Variants in SLC25A42 observed in about 807,000 individuals in gnomAD.
The protein encoded by SLC25A42 is mitochondrial coenzyme A transporter SLC25A42.
A neutral mutation model predicts 34.7 loss-of-function variants in SLC25A42; 19 were observed. That is an observed-to-expected ratio of 0.55 (90% CI 0.38 to 0.80). The LOEUF (loss-of-function observed/expected upper bound fraction) is 0.80, where lower values mean the gene tolerates loss of function less well. Ranked by LOEUF, SLC25A42 falls within the 30% of genes least tolerant of loss-of-function variation. The pLI is 0.00. For missense variants in SLC25A42, 364 were observed against 441.3 expected, an observed-to-expected ratio of 0.82 and a Z score of 1.57; for synonymous variants, 205 against 191.2, an observed-to-expected ratio of 1.07 and a Z score of -0.59.
At chr19:19,069,238 G>A (rs1294905572) in intron 1 of SLC25A42, among the ~76,000 whole-genome samples, 1 of 152,146 alleles carries the variant, frequency 6.6e-6, no homozygotes. Flanking sequence ...TTGGATTCCA[G>A]GGGCTCAACA....
rs528406002 is a variant in SLC25A42, at chr19:19,085,925, C to T, written c.-34-10166C>T. On this transcript the variant is annotated intron_variant, in intron 1 of 7. Transcript: ENST00000318596. Reference sequence around the variant, plus strand: ...ATGGGTTCCCTGAAAACCAGGGCTGCCAGCGCCCTTCCCTGCCCCTCAACA... The same window carrying T: ...ATGGGTTCCCTGAAAACCAGGGCTGTCAGCGCCCTTCCCTGCCCCTCAACA... 6.6e-4 allele frequency among the ~76,000 whole-genome samples: 100 copies of T among 152,322 alleles called. 1 individual carries two copies. Among genetic ancestry groups the T allele is most frequent in the Non-Finnish European group, 1.3e-3 (86 of 68,024 alleles).
intron 3 of SLC25A42, 30 bp downstream of exon 3, chr19:19,101,916 G>A (rs201969376): frequency 7.7e-6 from 12 of 1,559,780 alleles, no homozygotes; most frequent in Non-Finnish European, 1.1e-5. Context: ...AGGTGCTAGA[G>A]AAGCTGCCAG....
chr19:19,103,635 C>T (rs1030344810), intron 3 of SLC25A42, among the ~76,000 whole-genome samples: 2 of 152,194 alleles, frequency 1.3e-5, no homozygotes, highest in Admixed American at 6.5e-5. Context: ...GTGGCCTTTG[C>T]CCCCTTCAAA....
intron 2 of SLC25A42, among the ~76,000 whole-genome samples, chr19:19,097,781 G>A (rs972341680): frequency 1.6e-4 from 25 of 152,072 alleles, no homozygotes; most frequent in African/African-American, 5.1e-4. Flanking sequence ...TGGCCAACAT[G>A]GTGAAACCCC....
At position 19,111,533 on chromosome 19, in the gene SLC25A42, C is replaced by T. The variant is rs1253602937; in HGVS notation, c.*657C>T. On this transcript the variant is annotated 3_prime_UTR_variant, in exon 8 of 8. Coordinates refer to ENST00000318596, the MANE Select transcript of SLC25A42 (RefSeq NM_178526.5). ...CCTAGACCCTGCAAGCAGCTGGGTC[C>T]CCAAGAGTGCATCTCCCCCTAGAGT... 1 of 153,250 alleles carries T rather than the reference C, an allele frequency of 6.5e-6. No homozygotes were observed. The highest frequency in any genetic ancestry group is 1.5e-5 in the Non-Finnish European group (1 of 68,830). 9.5% of individuals were successfully genotyped at this position (153,250 alleles called of 1,614,324 possible). A position where few individuals can be genotyped will look rare whatever the true frequency, so the allele number is the denominator to read the frequency against.
In SLC25A42 at chr19:19,106,291, C is replaced by T. The variant is rs2059827345; in HGVS notation, c.403C>T (p.Leu135Phe). The change falls in exon 6 of 8, where the codon CTC (leucine) becomes TTC (phenylalanine). Residue 135 changes from leucine to phenylalanine, a missense_variant. Leu to Phe is a conservative substitution (Grantham distance 22). Transcript: ENST00000318596. ...RGEALPPWPRLFAGALAGTTA... is the reference protein window; with the variant it reads ...RGEALPPWPRFFAGALAGTTA... ...CAGAGCCCTGCCCCCTTGGCCTCGC[C>T]TCTTCGCCGGCGCACTGGCTGGAAC... is the stretch of plus-strand genomic sequence containing the variant. 14 of 1,612,738 alleles carry T rather than the reference C, an allele frequency of 8.7e-6. No homozygotes were observed. The highest frequency in any genetic ancestry group is 1.3e-5 in the African/African-American group (1 of 74,942).
intron 1 of SLC25A42, among the ~76,000 whole-genome samples, chr19:19,072,815 A>G (rs1020202816): frequency 6.6e-6 from 1 of 151,592 alleles, no homozygotes; most frequent in Non-Finnish European, 1.5e-5. Flanking sequence ...AGTAGCTGAG[A>G]CTATAAGTGT....
At chr19:19,106,169 G>T in intron 5 of SLC25A42, 100 bp from the exon 6 acceptor site, 1 of 1,025,344 alleles carries the variant, frequency 9.8e-7, no homozygotes, top group Non-Finnish European at 1.5e-6. Context: ...CCCCACCCCT[G>T]TCCCCGCCCC....
intron 5 of SLC25A42, 185 bp from the exon 6 acceptor site, chr19:19,106,084 C>T (rs900453687): frequency 3.4e-6 from 2 of 590,790 alleles, no homozygotes; most frequent in Non-Finnish European, 6.0e-6. Flanking sequence ...CCATGTAAAC[C>T]TCAAAATGAG....
chr19:19,074,700 A>T (rs2059647041), intron 1 of SLC25A42, among the ~76,000 whole-genome samples: 1 of 151,614 alleles, frequency 6.6e-6, no homozygotes. Context: ...TGTGTGTGAG[A>T]GAGTGTGTGT....
At chr19:19,064,436 C>G (rs10402411) in intron 1 of SLC25A42, among the ~76,000 whole-genome samples, 2,348 of 139,700 alleles carry the variant, frequency 0.017, 88 homozygotes, top group African/African-American at 0.06. Flanking sequence ...ACACCGCGCC[C>G]CCACTCACGA....
intron 1 of SLC25A42, among the ~76,000 whole-genome samples, chr19:19,070,540 C>T (rs890996824): frequency 2.6e-5 from 4 of 152,006 alleles, no homozygotes; most frequent in Admixed American, 2.6e-4. Flanking sequence ...AGTGATCTGC[C>T]CAACTCGGCC....
intron 2 of SLC25A42, 54 bp from the exon 3 acceptor site, chr19:19,101,727 C>T: frequency 6.6e-7 from 1 of 1,516,874 alleles, no homozygotes. Flanking sequence ...GGGCAAGGTC[C>T]TCTGCGGAGC....
chr19:19,070,694 AC>A (rs2059625728), intron 1 of SLC25A42, among the ~76,000 whole-genome samples: 1 of 152,126 alleles, frequency 6.6e-6, no homozygotes, highest in Non-Finnish European at 1.5e-5. Flanking sequence ...ATCTGCAAAG[AC>A]CCTATTTCCA....
At chr19:19,065,080 T>C (rs2059594435) in intron 1 of SLC25A42, among the ~76,000 whole-genome samples, 1 of 152,102 alleles carries the variant, frequency 6.6e-6, no homozygotes, top group Admixed American at 6.5e-5. Flanking sequence ...CCATCTGTTA[T>C]GTTTATCTCA....
rs767257525 is a variant in SLC25A42, at chr19:19,107,900, C to T, written c.504C>T (p.Ser168=). 6 of 1,614,092 alleles carry T rather than the reference C, an allele frequency of 3.7e-6. No individual in the cohort carries two copies. The Admixed American group carries it at 5.0e-5, about 13-fold the overall frequency. The change falls in exon 7 of 8, where the codon AGC becomes AGT. Residue 168 remains serine, a synonymous_variant. Coordinates refer to ENST00000318596, the MANE Select transcript of SLC25A42 (RefSeq NM_178526.5). ...GGCTGCTCTGTCCTGGCAGGTACAGCAACATCTTTCATGTCTTCATCCGCA... is the reference window on the plus strand; with the variant it reads ...GGCTGCTCTGTCCTGGCAGGTACAGTAACATCTTTCATGTCTTCATCCGCA... ...RMAVTPKEMY[S]NIFHVFIRIS... is the part of the protein sequence containing the mutation.
At chr19:19,088,607 A>G (rs1471947772) in intron 1 of SLC25A42, among the ~76,000 whole-genome samples, 4 of 151,724 alleles carry the variant, frequency 2.6e-5, no homozygotes, top group East Asian at 1.9e-4. Flanking sequence ...CTCCTGCCTC[A>G]GCCTCCTCAG....
chr19:19,077,913 A>G (rs576400709), intron 1 of SLC25A42, among the ~76,000 whole-genome samples: 10 of 152,232 alleles, frequency 6.6e-5, no homozygotes, highest in Admixed American at 1.3e-4. Flanking sequence ...TCAGTATGCA[A>G]CCTTTTGTGC....
rs2059823834 is a variant in SLC25A42, at chr19:19,105,803, CT to C, written c.380+77del. 3 of 1,301,682 alleles carry C rather than the reference CT, an allele frequency of 2.3e-6. No homozygotes were observed. The African/African-American group carries it at 4.5e-5, about 19-fold the overall frequency. 80.6% of individuals were successfully genotyped at this position (1,301,682 alleles called of 1,614,324 possible). A position where few individuals can be genotyped will look rare whatever the true frequency, so the allele number is the denominator to read the frequency against. On this transcript the variant is annotated intron_variant, in intron 5 of 7. Transcript: ENST00000318596. Reference sequence around the variant, plus strand: ...CTCTCTCTTTCTTCTGCACGCCCCGCTCCCTCCTCTTCGTGCCTTGCCCCTA... The same window carrying C: ...CTCTCTCTTTCTTCTGCACGCCCCGCCCCTCCTCTTCGTGCCTTGCCCCTA...
Sources: allele counts gnomAD v4.1 joint callset (sites outside exome capture counted in the v4.1 genomes callset), GRCh38; gene constraint gnomAD v4.1.1; transcripts MANE v1.5; gene names NCBI Gene and HGNC (gene_info 2026-07-23, HGNC 2026-07-21).